The following HPCAL1 variants were observed in gnomAD, a reference collection of about 807,000 sequenced individuals.
HPCAL1 encodes the protein hippocalcin-like protein 1.
HPCAL1 carries 8 observed loss-of-function variants against 17.1 expected under a neutral mutation model. The observed-to-expected ratio is 0.47, with a 90% CI of 0.27 to 0.84. The LOEUF is 0.84. HPCAL1 is among the 40% of genes least tolerant of loss of function. HPCAL1 has a pLI of 0.13. For synonymous variants in HPCAL1, 112 were observed against 111.4 expected (o/e 1.01, Z -0.03); for missense variants, 165 against 271.1 (o/e 0.61, Z 2.75).
chr2:10,379,079 G>A (rs892089249), intron 1 of HPCAL1, among the ~76,000 whole-genome samples: 1 of 152,042 alleles, frequency 6.6e-6, no homozygotes. Context: ...TGTAATCCCA[G>A]CACTTTGTGA....
rs532072242 is a variant in HPCAL1, at chr2:10,305,009, T to C, written c.-111+1832T>C. 7.2e-5 allele frequency among the ~76,000 whole-genome samples: 11 copies of C among 152,288 alleles called. No individual in the cohort carries two copies. In the South Asian group the frequency reaches 1.0e-3, roughly 14 times the overall value. ...GGATAGAAACCTGGTCCGGTTCCTT[T>C]GGTTTCCCTCGGCCGAGACTGAAGC... is the stretch of plus-strand genomic sequence containing the variant. On this transcript the variant is annotated intron_variant, in intron 1 of 4. Coordinates refer to ENST00000307845, the MANE Select transcript of HPCAL1 (RefSeq NM_002149.4).
intron 2 of HPCAL1, among the ~76,000 whole-genome samples, chr2:10,406,016 G>A (rs915237207): frequency 3.9e-5 from 6 of 152,170 alleles, no homozygotes; most frequent in South Asian, 2.1e-4. Flanking sequence ...GAGCATTACC[G>A]GGTAGTGGGG....
rs1285424995 is a variant in HPCAL1, at chr2:10,398,257, A to C, written c.-25+1337A>C. Among the ~76,000 whole-genome samples, 9 of 152,334 alleles carry C rather than the reference A, an allele frequency of 5.9e-5. No homozygotes were observed. In the East Asian group the frequency reaches 9.6e-4, roughly 16 times the overall value. On this transcript the variant is annotated intron_variant, in intron 2 of 4. Coordinates refer to ENST00000307845, the MANE Select transcript of HPCAL1 (RefSeq NM_002149.4). ...CTGAGAGCCCTCATCACCGACTTGC[A>C]TCTGGTGAGTTTGGCAGGGTCCTGT... is the stretch of plus-strand genomic sequence containing the variant.
rs976925934 is a variant in HPCAL1, at chr2:10,419,287, A to G, written c.-24-447A>G. Among the ~76,000 whole-genome samples, 3 of 152,286 alleles carry G rather than the reference A, an allele frequency of 2.0e-5. No individual in the cohort carries two copies. In the South Asian group the frequency reaches 6.2e-4, roughly 32 times the overall value. On this transcript the variant is annotated intron_variant, in intron 2 of 4. Coordinates refer to ENST00000307845, the MANE Select transcript of HPCAL1 (RefSeq NM_002149.4). This position sits in a 1 kb window ranked among gnomAD's most constrained non-coding sequence, Gnocchi z 5.0. ...CTGAAAGTTTCTAGACGCCTCTTCT[A>G]AAGATAAAAACATAATGTGATGCCT...
intron 1 of HPCAL1, among the ~76,000 whole-genome samples, chr2:10,327,403 G>A (rs940649200): frequency 6.6e-6 from 1 of 152,324 alleles, no homozygotes; most frequent in South Asian, 2.1e-4. Flanking sequence ...CTAGCGTCAG[G>A]TGGGGGATTA....
intron 2 of HPCAL1, among the ~76,000 whole-genome samples, chr2:10,398,585 G>C (rs1311182433): frequency 6.6e-6 from 1 of 152,160 alleles, no homozygotes; most frequent in Non-Finnish European, 1.5e-5. Flanking sequence ...CCAGGGCCCA[G>C]GGCAGACCCC....
At chr2:10,322,833 C>G (rs771002988) in intron 1 of HPCAL1, among the ~76,000 whole-genome samples, 3 of 152,228 alleles carry the variant, frequency 2.0e-5, no homozygotes, top group Non-Finnish European at 1.5e-5. Flanking sequence ...AAGACCCTTT[C>G]TTATCTAAGC....
intron 1 of HPCAL1, among the ~76,000 whole-genome samples, chr2:10,380,677 A>G (rs185330261): frequency 6.6e-6 from 1 of 151,746 alleles, no homozygotes; most frequent in African/African-American, 2.4e-5. Context: ...CTGCATGACT[A>G]TTATTCACTC....
intron 1 of HPCAL1, among the ~76,000 whole-genome samples, chr2:10,382,076 A>G (rs1298941267): frequency 6.6e-6 from 1 of 152,248 alleles, no homozygotes; most frequent in Non-Finnish European, 1.5e-5. Flanking sequence ...TGGTGCATCC[A>G]GACAATGGAA....
At chr2:10,407,019 G>A (rs3771135) in intron 2 of HPCAL1, among the ~76,000 whole-genome samples, 19,953 of 152,034 alleles carry the variant, frequency 0.13, 1,496 homozygotes, top group Non-Finnish European at 0.17. Flanking sequence ...AGTGATGTTC[G>A]CTCTATGATG....
At position 10,342,500 on chromosome 2, in the gene HPCAL1, A is replaced by C. The variant is rs1435032714; in HGVS notation, c.-111+39323A>C. Among the ~76,000 whole-genome samples, 2 of 140,792 alleles carry C rather than the reference A, an allele frequency of 1.4e-5. No homozygotes were observed. Among genetic ancestry groups the C allele is most frequent in the Non-Finnish European group, 1.5e-5 (1 of 64,658 alleles). 92.4% of individuals were successfully genotyped at this position (140,792 alleles called of 152,430 possible). A position where few individuals can be genotyped will look rare whatever the true frequency, so the allele number is the denominator to read the frequency against. On this transcript the variant is annotated intron_variant, in intron 1 of 4. Transcript: ENST00000307845. This position sits in a 1 kb window ranked among gnomAD's most constrained non-coding sequence, Gnocchi z 4.1. Reference sequence around the variant, plus strand: ...AGCTCCAAGGAGGACTGATCAGCCCAGCCTGGGGGAGGGTGGGAGGGGACT... The same window carrying C: ...AGCTCCAAGGAGGACTGATCAGCCCCGCCTGGGGGAGGGTGGGAGGGGACT...
chr2:10,375,415 C>T (rs6742677), intron 1 of HPCAL1, among the ~76,000 whole-genome samples: 96,428 of 152,070 alleles, frequency 0.63, 32,035 homozygotes, highest in African/African-American at 0.81. Context: ...GCCTCAGCTG[C>T]GGAGCAACAG....
chr2:10,322,245 A>G (rs1428263461), intron 1 of HPCAL1, among the ~76,000 whole-genome samples: 2 of 151,484 alleles, frequency 1.3e-5, no homozygotes, highest in African/African-American at 4.9e-5. Flanking sequence ...TTCGTCTTGA[A>G]CTCCTGGGCT....
intron 1 of HPCAL1, among the ~76,000 whole-genome samples, chr2:10,326,003 T>C (rs1663989327): frequency 6.6e-6 from 1 of 152,184 alleles, no homozygotes; most frequent in South Asian, 2.1e-4. Context: ...CACTGAACAG[T>C]CATGGAGTGT....
intron 1 of HPCAL1, among the ~76,000 whole-genome samples, chr2:10,335,079 G>A (rs1254539308): frequency 6.6e-6 from 1 of 152,170 alleles, no homozygotes. Flanking sequence ...GATCCTCCTT[G>A]AGTGCTGTGG....
intron 2 of HPCAL1, among the ~76,000 whole-genome samples, chr2:10,398,598 G>T (rs767032450): frequency 7.9e-5 from 12 of 152,152 alleles, no homozygotes; most frequent in Non-Finnish European, 1.6e-4. Flanking sequence ...CAGACCCCGG[G>T]CGTGGCTGCT....
intron 1 of HPCAL1, among the ~76,000 whole-genome samples, chr2:10,355,264 A>G (rs1666075284): frequency 1.3e-5 from 2 of 151,710 alleles, no homozygotes; most frequent in South Asian, 2.1e-4. Flanking sequence ...ATCCTGGCTA[A>G]AACGGGGAAA....
At chr2:10,368,589 C>G (rs1667008081) in intron 1 of HPCAL1, 1 of 152,224 alleles carries the variant, frequency 6.6e-6, no homozygotes, top group Non-Finnish European at 1.5e-5. Context: ...CCACATTTTC[C>G]CAGCAGCACG....
At chr2:10,399,252 A>ACCACCACCG (rs1669299415) in intron 2 of HPCAL1, among the ~76,000 whole-genome samples, 1 of 148,158 alleles carries the variant, frequency 6.7e-6, no homozygotes, top group African/African-American at 2.5e-5. Context: ...CACCACCACC[A>ACCACCACCG]CCACCACCAT....
Sources: gnomAD v4.1 joint callset for allele counts (sites outside exome capture counted in the v4.1 genomes callset) on GRCh38, gnomAD v4.1.1 for gene constraint, Gnocchi (gnomAD v3.1) non-coding constraint, MANE v1.5 for transcripts, NCBI Gene and HGNC (gene_info 2026-07-23, HGNC 2026-07-21) for gene names.